FOXN3: variants seen among roughly 807,000 people sequenced by gnomAD.
FOXN3 encodes the protein forkhead box protein N3.
Under a neutral mutation model 38.4 loss-of-function variants are expected in FOXN3, and 7 were observed. That is an observed-to-expected ratio of 0.18 (90% CI 0.10 to 0.34). FOXN3 has a LOEUF of 0.34. FOXN3 is among the 10% of genes least tolerant of loss of function. FOXN3 has a pLI of 1.00. For synonymous variants in FOXN3, 230 were observed against 242.2 expected, an observed-to-expected ratio of 0.95 and a Z score of 0.47; for missense variants, 456 against 613.4, an observed-to-expected ratio of 0.74 and a Z score of 2.71.
chr14:89,561,716 G>A (rs1895252326), intron 1 of FOXN3, among the ~76,000 whole-genome samples: 1 of 152,070 alleles, frequency 6.6e-6, no homozygotes, highest in South Asian at 2.1e-4. Flanking sequence ...AGGAGTTCCA[G>A]GGGGGTTATG....
At chr14:89,240,983 C>T (rs1268802556) in intron 4 of FOXN3, among the ~76,000 whole-genome samples, 4 of 152,134 alleles carry the variant, frequency 2.6e-5, no homozygotes, top group African/African-American at 9.7e-5. Flanking sequence ...CAATACTTGC[C>T]ACCCACAATA....
chr14:89,224,660 T>C (rs1220251835), intron 4 of FOXN3, among the ~76,000 whole-genome samples: 2 of 152,142 alleles, frequency 1.3e-5, no homozygotes, highest in African/African-American at 4.8e-5. Context: ...GAATAACTGC[T>C]ACATTAGAAA....
At chr14:89,570,202 T>C (rs146176833) in intron 1 of FOXN3, among the ~76,000 whole-genome samples, 1 of 152,048 alleles carries the variant, frequency 6.6e-6, no homozygotes, top group Admixed American at 6.6e-5. Context: ...GGTTTCACCA[T>C]GTTAGCCAGG....
chr14:89,375,140 A>T (rs1596236852), intron 2 of FOXN3, among the ~76,000 whole-genome samples: 1 of 152,310 alleles, frequency 6.6e-6, no homozygotes, highest in South Asian at 2.1e-4. Flanking sequence ...AACTGAAGGA[A>T]AACTTTTCAT....
intron 1 of FOXN3, among the ~76,000 whole-genome samples, chr14:89,439,757 G>C (rs973799559): frequency 6.7e-6 from 1 of 150,158 alleles, no homozygotes; most frequent in Middle Eastern, 3.4e-3. Flanking sequence ...CCAGGTTCAC[G>C]CCATTCTCCT....
chr14:89,207,943 G>T (rs933773881), intron 4 of FOXN3, among the ~76,000 whole-genome samples: 3 of 152,018 alleles, frequency 2.0e-5, no homozygotes, highest in South Asian at 4.1e-4. Flanking sequence ...CTTAAACAGC[G>T]TGAGAAGCAC....
rs1888933678 is a variant in FOXN3, at chr14:89,350,695, G to C, written c.657C>G (p.Pro219=). The part of the protein sequence containing the change: ...HPHPHVFNTP[P]TCPQAYQSTS... ...ACCTTTGATATGCCTGAGGACAGGTGGGAGGTGTATTGAACACGTGTGGGT... is the reference window on the plus strand; with the variant it reads ...ACCTTTGATATGCCTGAGGACAGGTCGGAGGTGTATTGAACACGTGTGGGT... The change falls in exon 3 of 6, where the codon CCC becomes CCG. Residue 219 remains proline (P), a synonymous_variant. Coordinates refer to ENST00000557258, the MANE Select transcript of FOXN3 (RefSeq NM_005197.4). 6.3e-7 allele frequency: 1 copy of C among 1,576,388 alleles called. No individual in the cohort carries two copies. The highest frequency in any genetic ancestry group is 8.6e-7 in the Non-Finnish European group (1 of 1,166,264).
intron 1 of FOXN3, among the ~76,000 whole-genome samples, chr14:89,546,329 C>CTTTCTTTTTTTTTT (rs1555359724): frequency 1.5e-4 from 12 of 78,314 alleles, no homozygotes; most frequent in Admixed American, 7.4e-4. Context: ...TTTCCTTTTT[C>CTTTCTTTTTTTTTT]TTTTTTTTTT....
At chr14:89,207,146 G>A (rs377366181) in intron 4 of FOXN3, among the ~76,000 whole-genome samples, 6 of 152,000 alleles carry the variant, frequency 3.9e-5, no homozygotes, top group African/African-American at 9.7e-5. Context: ...GCTTGAACCC[G>A]GGAGGTGCAG....
chr14:89,498,975 A>G (rs1893743554), intron 1 of FOXN3, among the ~76,000 whole-genome samples: 1 of 152,282 alleles, frequency 6.6e-6, no homozygotes, highest in African/African-American at 2.4e-5. Flanking sequence ...CCTGTTACAG[A>G]TATTTTTCAC....
At chr14:89,192,548 CAT>C (rs3057908) in intron 4 of FOXN3, among the ~76,000 whole-genome samples, 42,237 of 137,900 alleles carry the variant, frequency 0.31, 7,051 homozygotes, top group African/African-American at 0.45. Context: ...AACTTTATAA[CAT>C]ATGAATTATA....
At chr14:89,256,628 C>T (rs1885630271) in intron 4 of FOXN3, among the ~76,000 whole-genome samples, 1 of 152,202 alleles carries the variant, frequency 6.6e-6, no homozygotes, top group African/African-American at 2.4e-5. Context: ...TATTCTCAAG[C>T]TCTGATCCCT....
chr14:89,571,715 T>G (rs1189483525), intron 1 of FOXN3, among the ~76,000 whole-genome samples: 1 of 152,172 alleles, frequency 6.6e-6, no homozygotes, highest in African/African-American at 2.4e-5. Flanking sequence ...CCAATAAAAC[T>G]TTATTTACAA....
intron 1 of FOXN3, among the ~76,000 whole-genome samples, chr14:89,475,486 T>A (rs995042282): frequency 2.0e-5 from 3 of 151,884 alleles, no homozygotes; most frequent in Admixed American, 1.3e-4. Context: ...GGAGACGCCA[T>A]CTCTACAAAA....
At chr14:89,353,463 A>C (rs1167375038) in intron 2 of FOXN3, 1 of 152,126 alleles carries the variant, frequency 6.6e-6, no homozygotes, top group Non-Finnish European at 1.5e-5. Context: ...CATCTATTTG[A>C]ATGCAGTGGT....
At chr14:89,362,875 G>A (rs1023234346) in intron 2 of FOXN3, among the ~76,000 whole-genome samples, 1 of 149,932 alleles carries the variant, frequency 6.7e-6, no homozygotes, top group African/African-American at 2.5e-5. Flanking sequence ...ACTTCCGTGG[G>A]CCTAACGAAA....
At chr14:89,473,915 T>C (rs940574094) in intron 1 of FOXN3, among the ~76,000 whole-genome samples, 1 of 152,148 alleles carries the variant, frequency 6.6e-6, no homozygotes, top group African/African-American at 2.4e-5. Flanking sequence ...AAATTTGTAG[T>C]ATTCTCCCAC....
At chr14:89,239,489 C>T (rs995216248) in intron 4 of FOXN3, among the ~76,000 whole-genome samples, 1 of 152,188 alleles carries the variant, frequency 6.6e-6, no homozygotes, top group African/African-American at 2.4e-5. Flanking sequence ...CTATGTCTAG[C>T]AACAGAGGTG....
intron 3 of FOXN3, among the ~76,000 whole-genome samples, chr14:89,325,820 G>A (rs1251848210): frequency 6.6e-6 from 1 of 152,174 alleles, no homozygotes; most frequent in Non-Finnish European, 1.5e-5. Context: ...TCTGCCCCTG[G>A]GGGCTCAATG....
Sources: allele counts gnomAD v4.1 joint callset (sites outside exome capture counted in the v4.1 genomes callset), GRCh38; gene constraint gnomAD v4.1.1; transcripts MANE v1.5; gene names NCBI Gene and HGNC (gene_info 2026-07-23, HGNC 2026-07-21).